The following LAMA5 variants were observed in gnomAD, a reference collection of about 807,000 sequenced individuals.
LAMA5 encodes laminin subunit alpha 5.
In LAMA5, 260 loss-of-function variants were observed where a neutral mutation model predicts 433.4. That is an observed-to-expected ratio of 0.60 (90% CI 0.54 to 0.66). The LOEUF is 0.66. LAMA5 is among the 30% of genes least tolerant of loss of function. LAMA5 has a pLI of 0.00. For missense variants in LAMA5, 5,378 were observed against 5,258.5 expected (o/e 1.02, Z -0.70); for synonymous variants, 2,620 against 2,226.6 (o/e 1.18, Z -4.97).
intron 41 of LAMA5, 113 bp downstream of exon 41, chr20:62,325,198 AGAGGT>A: frequency 1.5e-6 from 1 of 667,278 alleles, no homozygotes; most frequent in Non-Finnish European, 2.5e-6. Context: ...GGGCAGGAAG[AGAGGT>A]GAGTAGGGTG....
intron 16 of LAMA5, chr20:62,337,109 G>A (rs1981771941): frequency 5.1e-6 from 3 of 592,496 alleles, no homozygotes; most frequent in Non-Finnish European, 6.4e-6. Context: ...CACTACACGT[G>A]CACTAACACA....
chr20:62,358,277 C>T (rs899582963), intron 2 of LAMA5, among the ~76,000 whole-genome samples: 11 of 152,146 alleles, frequency 7.2e-5, no homozygotes, highest in South Asian at 2.1e-4. Flanking sequence ...AGGGTTTTGC[C>T]GTCTATCCTG....
At chr20:62,352,425 CG>C in intron 3 of LAMA5, 65 bp from the exon 4 acceptor site, 1 of 1,321,290 alleles carries the variant, frequency 7.6e-7, no homozygotes, top group African/African-American at 1.5e-5. Context: ...CCGCGGTGCC[CG>C]GGCCCCTTGA....
chr20:62,330,252 T>C (rs758177006), intron 31 of LAMA5, among the ~76,000 whole-genome samples: 1 of 152,254 alleles, frequency 6.6e-6, no homozygotes, highest in Non-Finnish European at 1.5e-5. Context: ...CCACGTGCCA[T>C]GGAGCACAAC....
intron 20 of LAMA5, 122 bp from the exon 21 acceptor site, chr20:62,334,743 G>GCTCAGGA: frequency 1.3e-6 from 1 of 771,362 alleles, no homozygotes; most frequent in Non-Finnish European, 2.0e-6. Flanking sequence ...AGGGCTCAGG[G>GCTCAGGA]CTCAGGGCTC....
At chr20:62,321,764 T>TG (rs1258592887) in intron 48 of LAMA5, among the ~76,000 whole-genome samples, 7 of 20,328 alleles carry the variant, frequency 3.4e-4, no homozygotes, top group African/African-American at 6.5e-4. Flanking sequence ...GTGGGGTCAG[T>TG]GGGGGAGGAA....
intron 1 of LAMA5, among the ~76,000 whole-genome samples, chr20:62,364,635 C>CAT (rs1986520299): frequency 6.6e-6 from 1 of 152,222 alleles, no homozygotes; most frequent in Non-Finnish European, 1.5e-5. Flanking sequence ...AATGAGTCAC[C>CAT]ATGCTGGCCT....
rs1012833897 is a variant in LAMA5 at position 62,327,120 on chromosome 20, CG to C, written c.5112+112del. 16 of 1,187,918 alleles carry C rather than the reference CG, an allele frequency of 1.3e-5. No homozygotes were observed. In the Middle Eastern group the frequency reaches 8.6e-4, roughly 64 times the overall value. The allele number at this position is 1,187,918 out of a possible 1,614,324, so 73.6% of individuals were successfully genotyped here. ...CCGGGACAGGGCCTGGGCACCCTCA[CG>C]GACCCCCATGGAGCTCCCCCTCCCT... On this transcript the variant is annotated intron_variant, in intron 38 of 79. Transcript: ENST00000252999.
chr20:62,330,907 G>A lies in LAMA5; in HGVS notation c.3688C>T (p.Gln1230Ter). The A allele has an allele frequency of 6.5e-7, 1 of 1,548,326 alleles. No individual in the cohort carries two copies. The highest frequency in any genetic ancestry group is 8.7e-7 in the Non-Finnish European group (1 of 1,146,316). ...CLPSRFPKPP[Q>*]PIILRDCQVI... The stretch of plus-strand genomic sequence containing the variant: ...TGGCAGTCCCTGAGGATGATGGGCT[G>A]GGGCGGCTTTGGGAAGCGCGAGGGC... Residue 1230 changes from glutamine (Q) to a stop codon, truncating the protein, a stop_gained, in exon 30 of 80, where the codon CAG becomes TAG. Coordinates refer to ENST00000252999, the MANE Select transcript of LAMA5 (RefSeq NM_005560.6). LOFTEE classifies it high-confidence loss of function.
rs752284467 is a variant in LAMA5 at position 62,322,291 on chromosome 20, C to T, written c.6324G>A (p.Gly2108=). Residue 2108 remains glycine (G), a synonymous_variant, in exon 47 of 80, where the codon GGG becomes GGA. Coordinates refer to ENST00000252999, the MANE Select transcript of LAMA5 (RefSeq NM_005560.6). ...CACGCCTGCAGCCCTGCTCAGGGAG[C>T]CCCCAGTAGCCAGGGGCACACTCGC... ...QCRECAPGYW[G]LPEQGCRRCQ... The T allele has an allele frequency of 1.9e-6, 3 of 1,598,290 alleles. No homozygotes were observed. Among genetic ancestry groups the T allele is most frequent in the South Asian group, 2.2e-5 (2 of 89,530 alleles).
intron 2 of LAMA5, among the ~76,000 whole-genome samples, chr20:62,354,717 G>A (rs1376986474): frequency 2.0e-5 from 3 of 152,126 alleles, no homozygotes; most frequent in African/African-American, 7.2e-5. Context: ...CCCTGCTGCA[G>A]CCAAGTGCTC....
At chr20:62,352,620 C>G (rs935711257) in intron 3 of LAMA5, among the ~76,000 whole-genome samples, 1 of 151,944 alleles carries the variant, frequency 6.6e-6, no homozygotes, top group Non-Finnish European at 1.5e-5. Flanking sequence ...TGGGGACAGA[C>G]GCCTACTGCC....
intron 10 of LAMA5, 90 bp from the exon 11 acceptor site, chr20:62,345,967 G>A (rs893711777): frequency 2.4e-5 from 37 of 1,572,450 alleles, no homozygotes; most frequent in Middle Eastern, 1.7e-4. Flanking sequence ...CAGCACAATC[G>A]GAGATGCAGG....
Position 62,322,180 on chromosome 20 carries a change from G to C in LAMA5, c.6347-12C>G, listed in dbSNP as rs1196155918. 1 of 1,586,136 alleles carries C rather than the reference G, an allele frequency of 6.3e-7. No individual in the cohort carries two copies. Among genetic ancestry groups the C allele is most frequent in the African/African-American group, 1.3e-5 (1 of 74,290 alleles). On this transcript the variant is annotated splice_polypyrimidine_tract_variant and intron_variant, in intron 47 of 79. Transcript: ENST00000252999. ...AGGGCACTGGCAGCCTGTGGTGGGG[G>C]GCTTGGGTGAGCATGGCTGGCCTGG...
intron 28 of LAMA5, 57 bp from the exon 29 acceptor site, chr20:62,331,186 G>A (rs1199024477): frequency 1.1e-6 from 1 of 916,800 alleles, no homozygotes; most frequent in Middle Eastern, 3.0e-4. Context: ...GATAGGGGGT[G>A]CAGGCGGTAC....
chr20:62,349,954 A>G (rs1232063226), intron 6 of LAMA5, among the ~76,000 whole-genome samples: 1 of 150,286 alleles, frequency 6.7e-6, no homozygotes, highest in Admixed American at 6.7e-5. Flanking sequence ...TCCCTGGAGG[A>G]GAGGTGGGGT....
rs566795195 is a variant in LAMA5, at chr20:62,319,736, G to T, written c.6819C>A (p.Gly2273=). 4.5e-4 allele frequency: 698 copies of T among 1,549,002 alleles called. 7 individuals are homozygous for T. In the South Asian group the frequency reaches 7.6e-3, roughly 17 times the overall value. Residue 2273 remains glycine, a synonymous_variant, in exon 51 of 80, where the codon GGC becomes GGA. Coordinates refer to ENST00000252999, the MANE Select transcript of LAMA5 (RefSeq NM_005560.6). The part of the protein sequence containing the change: ...QLLAGTEATL[G]HAKTLLAAIR... ...TGGCCGCCAACAGCGTCTTCGCATGGCCCAGTGTGGCCTCGGTGCCGGCCA... is the reference window on the plus strand; with the variant it reads ...TGGCCGCCAACAGCGTCTTCGCATGTCCCAGTGTGGCCTCGGTGCCGGCCA...
chr20:62,313,666 A>G lies in LAMA5; in HGVS notation c.8641T>C (p.Tyr2881His). Residue 2881 changes from tyrosine to histidine, a missense_variant, in exon 63 of 80, where the codon TAC (tyrosine) becomes CAC (histidine). Physicochemically the swap from Tyr to His is moderately conservative, Grantham distance 83 (BLOSUM62 2). Coordinates refer to ENST00000252999, the MANE Select transcript of LAMA5 (RefSeq NM_005560.6). ...GGGCTCACCGTGAAGGTACTGGGGT[A>G]CCCCCCGACGTAGAAGACGAAGTCG... ...PDDFVFYVGGYPSTFTPPPLL... is the reference protein window; with the variant it reads ...PDDFVFYVGGHPSTFTPPPLL... 6.2e-7 allele frequency: 1 copy of G among 1,612,596 alleles called. No individual in the cohort carries two copies. Among genetic ancestry groups the G allele is most frequent in the Non-Finnish European group, 8.5e-7 (1 of 1,179,916 alleles).
chr20:62,316,147 C>T (rs746932472), intron 57 of LAMA5, 89 bp from the exon 58 acceptor site: 3 of 832,954 alleles, frequency 3.6e-6, no homozygotes, highest in Non-Finnish European at 5.9e-6. Context: ...CCAGGAGGAC[C>T]AAGGCTGACA....
Sources: gnomAD v4.1 joint callset for allele counts (sites outside exome capture counted in the v4.1 genomes callset) on GRCh38, gnomAD v4.1.1 for gene constraint, MANE v1.5 for transcripts, NCBI Gene and HGNC (gene_info 2026-07-23, HGNC 2026-07-21) for gene names.